Variants in MLH3 observed in about 807,000 individuals in gnomAD.
The protein encoded by MLH3 is mutL homolog 3.
In MLH3, 82 loss-of-function variants were observed where a neutral mutation model predicts 122.2. That is an observed-to-expected ratio of 0.67 (90% CI 0.56 to 0.81). The LOEUF is 0.81. MLH3 is among the 30% of genes least tolerant of loss of function. The pLI is 0.00. For missense variants in MLH3, 1,539 were observed against 1,714.5 expected (o/e 0.90, Z 1.81); for synonymous variants, 524 against 599.5 (o/e 0.87, Z 1.84).
Position 75,048,200 on chromosome 14 carries a change from T to C in MLH3, c.1456A>G (p.Lys486Glu). ...TGTTCCAGGAAAGATTTTTTATGTT[T>C]CTCATTTTCTCCAGCTTCTGATGCT... ...IVASEAGENE[K>E]HKKSFLEHSS... The change falls in exon 2 of 13, where the codon AAA (lysine) becomes GAA (glutamate). Residue 486 changes from lysine to glutamate, a missense_variant. By Grantham distance (56) the Lys-to-Glu change is moderately conservative. Coordinates refer to ENST00000355774, the MANE Select transcript of MLH3 (RefSeq NM_001040108.2). The C allele has an allele frequency of 6.2e-7, 1 of 1,613,680 alleles. No individual in the cohort carries two copies. The highest frequency in any genetic ancestry group is 8.5e-7 in the Non-Finnish European group (1 of 1,179,842).
In MLH3 at chr14:75,049,618, A is replaced by C; in HGVS notation, c.38T>G (p.Leu13Trp). 1 of 1,614,176 alleles carries C rather than the reference A, an allele frequency of 6.2e-7. No individual in the cohort carries two copies. ...KCLSVEVQAK[L>W]RSGLAISSLG... is the part of the protein sequence containing the mutation. ...GGAGCTTATGGCCAAACCAGAACGC[A>C]ATTTGGCTTGTACTTCAACTGACAA... The change falls in exon 2 of 13, where the codon TTG becomes TGG. Residue 13 changes from leucine (L) to tryptophan (W), a missense_variant. Leu to Trp is a moderately conservative substitution (Grantham distance 61). Transcript: ENST00000355774.
At chr14:75,026,222 G>C (rs1223938766) in intron 9 of MLH3, among the ~76,000 whole-genome samples, 1 of 152,140 alleles carries the variant, frequency 6.6e-6, no homozygotes, top group Non-Finnish European at 1.5e-5. Context: ...GGATTTGCCT[G>C]TGCTCCAAAT....
chr14:75,036,595 C>T (rs1891427378), intron 6 of MLH3: 5 of 452,580 alleles, frequency 1.1e-5, no homozygotes, highest in South Asian at 3.1e-5. Context: ...CCACCCACCT[C>T]GGCCTCCCAA....
chr14:75,027,583 T>C, intron 9 of MLH3, among the ~76,000 whole-genome samples: 1 of 150,976 alleles, frequency 6.6e-6, no homozygotes, highest in African/African-American at 2.4e-5. Flanking sequence ...CTAAAATAAC[T>C]TCTATTTATT....
At chr14:75,029,147 AAAG>A (rs140718241) in intron 9 of MLH3, among the ~76,000 whole-genome samples, 80,205 of 106,920 alleles carry the variant, frequency 0.75, 31,140 homozygotes, top group East Asian at 0.9. Context: ...AAAAAAAAAA[AAAG>A]AAAGAAAGAA....
At chr14:75,018,474 C>T (rs1369529403) in intron 12 of MLH3, among the ~76,000 whole-genome samples, 1 of 152,154 alleles carries the variant, frequency 6.6e-6, no homozygotes, top group Non-Finnish European at 1.5e-5. Flanking sequence ...TCTATATTGC[C>T]AACAGTGAAT....
chr14:75,023,431 C>A (rs1890421202), intron 9 of MLH3, among the ~76,000 whole-genome samples: 1 of 152,188 alleles, frequency 6.6e-6, no homozygotes. Flanking sequence ...ACACAACAAC[C>A]ATCAACACAA....
chr14:75,018,760 T>C (rs1379348302), intron 12 of MLH3, 69 bp downstream of exon 12: 14 of 1,549,360 alleles, frequency 9.0e-6, no homozygotes, highest in Non-Finnish European at 1.2e-5. Context: ...TACAGTTGCA[T>C]AGTAAAAGCC....
chr14:75,048,591 C>A lies in MLH3; in HGVS notation c.1065G>T (p.Val355=). 6.2e-7 allele frequency: 1 copy of A among 1,613,998 alleles called. No homozygotes were observed. The highest frequency in any genetic ancestry group is 1.3e-5 in the African/African-American group (1 of 75,038). ...CCTTAATATCCTCACCTGATAATTC[C>A]ACAAATAATTTTTCTTGCTTTAAAA... ...KMFLKQEKLF[V]ELSGEDIKEF... is the part of the protein sequence containing the mutation. Residue 355 remains valine, a synonymous_variant, in exon 2 of 13, where the codon GTG becomes GTT. Coordinates refer to ENST00000355774, the MANE Select transcript of MLH3 (RefSeq NM_001040108.2).
At position 75,023,010 on chromosome 14, in the gene MLH3, G is replaced by A; in HGVS notation, c.3996C>T (p.Ile1332=). The change falls in exon 10 of 13, where the codon ATC becomes ATT. Residue 1332 remains isoleucine, a synonymous_variant. Transcript: ENST00000355774. ...AAAAGCTTACCTCCAGTTGTTCTCG[G>A]ATAAATTCCTGCAAAGCAAAAGGAA... ...TVTKSIVEEF[I]REQLELLQTT... is the part of the protein sequence containing the mutation. 1.2e-6 allele frequency: 2 copies of A among 1,614,220 alleles called. No homozygotes were observed. The highest frequency in any genetic ancestry group is 1.3e-5 in the African/African-American group (1 of 75,064).
In MLH3 at chr14:75,049,262, C is replaced by CTG; in HGVS notation, c.393_394insCA (p.Ala132GlnfsTer7). The CTG allele has an allele frequency of 6.2e-7, 1 of 1,614,224 alleles. No homozygotes were observed. Among genetic ancestry groups the CTG allele is most frequent in the Non-Finnish European group, 8.5e-7 (1 of 1,180,032 alleles). ...GCTCTAGTCACATCAGCTTCACAAGCTTTCAGGGCTTTTCCACTCTGAAAC... is the reference window on the plus strand; with the variant it reads ...GCTCTAGTCACATCAGCTTCACAAGCTGTTTCAGGGCTTTTCCACTCTGAAAC... On this transcript the variant is annotated frameshift_variant, in exon 2 of 13. Coordinates refer to ENST00000355774, the MANE Select transcript of MLH3 (RefSeq NM_001040108.2). LOFTEE classifies it high-confidence loss of function.
chr14:75,034,612 T>C (rs1437204802), intron 6 of MLH3, among the ~76,000 whole-genome samples: 1 of 151,536 alleles, frequency 6.6e-6, no homozygotes, highest in African/African-American at 2.4e-5. Context: ...AATAGTCTTC[T>C]TTTTTTTTCC....
chr14:75,017,552 A>G (rs533626208), intron 12 of MLH3, among the ~76,000 whole-genome samples: 1 of 152,016 alleles, frequency 6.6e-6, no homozygotes, highest in African/African-American at 2.4e-5. Context: ...AAAAAAAAAA[A>G]TTGAAAATGT....
intron 12 of MLH3, among the ~76,000 whole-genome samples, 167 bp from the exon 13 acceptor site, chr14:75,017,368 C>G (rs539641234): frequency 5.1e-4 from 77 of 151,946 alleles, no homozygotes; most frequent in Non-Finnish European, 9.6e-4. Context: ...GAAACCCTGT[C>G]TCTACTAAAA....
intron 7 of MLH3, among the ~76,000 whole-genome samples, chr14:75,032,624 T>A (rs1891125687): frequency 6.6e-6 from 1 of 151,938 alleles, no homozygotes; most frequent in South Asian, 2.1e-4. Flanking sequence ...TCTAACACTG[T>A]TTTTACTATA....
chr14:75,049,089 C>T lies in MLH3; in HGVS notation c.567G>A (p.Leu189=). 1 of 1,614,032 alleles carries T rather than the reference C, an allele frequency of 6.2e-7. No individual in the cohort carries two copies. Among genetic ancestry groups the T allele is most frequent in the Non-Finnish European group, 8.5e-7 (1 of 1,179,994 alleles). Reference sequence around the variant, plus strand: ...CCATGGAACCAGAAACATCATTTCTCAAAGAGAAAGAAATGGAAGGGTGCA... The same window carrying T: ...CCATGGAACCAGAAACATCATTTCTTAAAGAGAAAGAAATGGAAGGGTGCA... ...SLMHPSISFS[L]RNDVSGSMVL... is the part of the protein sequence containing the mutation. Residue 189 remains leucine (L), a synonymous_variant, in exon 2 of 13, where the codon TTG becomes TTA. Coordinates refer to ENST00000355774, the MANE Select transcript of MLH3 (RefSeq NM_001040108.2).
At position 75,015,094 on chromosome 14, in the gene MLH3, A is replaced by C; in HGVS notation, c.*1988T>G. Reference sequence around the variant, plus strand: ...AATTATTTTGTAAACCTTAAAGCACAATATAGGTATTAATGATTACTATTA... The same window carrying C: ...AATTATTTTGTAAACCTTAAAGCACCATATAGGTATTAATGATTACTATTA... On this transcript the variant is annotated 3_prime_UTR_variant, in exon 13 of 13. Coordinates refer to ENST00000355774, the MANE Select transcript of MLH3 (RefSeq NM_001040108.2). 1 of 175,336 alleles carries C rather than the reference A, an allele frequency of 5.7e-6. No homozygotes were observed. The highest frequency in any genetic ancestry group is 1.2e-5 in the Non-Finnish European group (1 of 81,164). 10.9% of individuals were successfully genotyped at this position (175,336 alleles called of 1,614,324 possible). A position where few individuals can be genotyped will look rare whatever the true frequency, so the allele number is the denominator to read the frequency against.
At position 75,047,199 on chromosome 14, in the gene MLH3, T is replaced by C. The variant is rs771099366; in HGVS notation, c.2457A>G (p.Gln819=). Residue 819 remains glutamine, a synonymous_variant, in exon 2 of 13, where the codon CAA becomes CAG. Transcript: ENST00000355774. ...CTGAGTTAAGGATGTGGCTTGCTGG[T>C]TGACAACTACTATCTGAATCACTAT... ...MEHSDSDSSC[Q]PASHILNSEK... The C allele has an allele frequency of 1.2e-6, 2 of 1,614,150 alleles. No individual in the cohort carries two copies. Among genetic ancestry groups the C allele is most frequent in the South Asian group, 2.2e-5 (2 of 91,078 alleles).
At chr14:75,032,872 T>C (rs1300164600) in intron 7 of MLH3, among the ~76,000 whole-genome samples, 3 of 146,748 alleles carry the variant, frequency 2.0e-5, no homozygotes, top group Non-Finnish European at 3.0e-5. Flanking sequence ...TTTGGAAAGA[T>C]AGATTTAAAA....
Sources: gnomAD v4.1 joint callset for allele counts (sites outside exome capture counted in the v4.1 genomes callset) on GRCh38, gnomAD v4.1.1 for gene constraint, MANE v1.5 for transcripts, NCBI Gene and HGNC (gene_info 2026-07-23, HGNC 2026-07-21) for gene names.